Variants in MEAF6 observed in about 807,000 individuals in gnomAD.
MEAF6 encodes the protein chromatin modification-related protein MEAF6.
A neutral mutation model predicts 28.9 loss-of-function variants in MEAF6; 15 were observed. The ratio of observed to expected loss-of-function variants is 0.52; its 90% CI spans 0.35 to 0.80. MEAF6 has a LOEUF of 0.80. Among genes scored for constraint, MEAF6 ranks in the 30% least tolerant of loss-of-function variants. MEAF6 has a pLI of 0.01. For synonymous variants in MEAF6, 97 were observed against 88.7 expected (o/e 1.09, Z -0.53); for missense variants, 178 against 237.5 (o/e 0.75, Z 1.65).
At chr1:37,514,378 G>C (rs1490813594) in intron 1 of MEAF6, 1 of 131,452 alleles carries the variant, frequency 7.6e-6, no homozygotes, top group East Asian at 2.3e-4. Flanking sequence ...CCCTCTCCCC[G>C]GGCCCCGGCA....
Position 37,493,804 on chromosome 1 carries a change from A to C in MEAF6, c.*295T>G. On this transcript the variant is annotated 3_prime_UTR_variant, in exon 7 of 7. Coordinates refer to ENST00000296214, the MANE Select transcript of MEAF6 (RefSeq NM_001270875.3). ...AGCTGGTGCCAGCCAGTTTTGGGGG[A>C]GACATTCATTCTAAGAAGGGAGAAA... The C allele has an allele frequency of 6.4e-7, 1 of 1,550,796 alleles. No individual in the cohort carries two copies. The highest frequency in any genetic ancestry group is 2.4e-5 in the East Asian group (1 of 40,930).
chr1:37,513,888 G>A (rs961191626), intron 1 of MEAF6: 3 of 336,466 alleles, frequency 8.9e-6, no homozygotes, highest in Non-Finnish European at 1.6e-5. Flanking sequence ...TCGCTACCAG[G>A]AGAGGGAAAG....
chr1:37,502,084 A>G (rs1468885552), intron 4 of MEAF6, 88 bp from the exon 5 acceptor site: 2 of 1,092,218 alleles, frequency 1.8e-6, no homozygotes, highest in Non-Finnish European at 2.6e-6. Context: ...ATAGGTAGAA[A>G]AAAACCATTC....
intron 4 of MEAF6, among the ~76,000 whole-genome samples, chr1:37,504,682 G>A (rs919804741): frequency 6.9e-6 from 1 of 144,250 alleles, no homozygotes; most frequent in Admixed American, 7.2e-5. Flanking sequence ...TGAGACAGAA[G>A]AATCACTTGA....
At position 37,492,178 on chromosome 1, in the gene MEAF6, G is replaced by A. The variant is rs976368076; in HGVS notation, c.*1921C>T. ...CGAGTAGCTGGGACTACCGGCACCC[G>A]CCACCACGCTCAGCTAATTTTTTGC... is the stretch of plus-strand genomic sequence containing the variant. On this transcript the variant is annotated 3_prime_UTR_variant, in exon 7 of 7. Transcript: ENST00000296214. Among the ~76,000 whole-genome samples, 6 of 151,950 alleles carry A rather than the reference G, an allele frequency of 3.9e-5. No individual in the cohort carries two copies. The highest frequency in any genetic ancestry group is 3.3e-4 in the Admixed American group (5 of 15,230).
rs762422791 is a variant in MEAF6 at position 37,498,406 on chromosome 1, TTTTTTATTATTA to T, written c.534-2500_534-2489del. Among the ~76,000 whole-genome samples, 74 of 136,268 alleles carry T rather than the reference TTTTTTATTATTA, an allele frequency of 5.4e-4. 1 individual carries two copies. The East Asian group carries it at 0.01, about 19-fold the overall frequency. 89.4% of individuals were successfully genotyped at this position (136,268 alleles called of 152,430 possible). ...GAAACTTATAAGAGTAGCTATGTTA[TTTTTTATTATTA>T]TTATTATTATTATTATTATTATTAT... On this transcript the variant is annotated intron_variant, in intron 5 of 6. Transcript: ENST00000296214.
At chr1:37,514,631 G>A (rs749260746) in intron 1 of MEAF6, 26 bp downstream of exon 1, 40 of 1,487,498 alleles carry the variant, frequency 2.7e-5, no homozygotes, top group Non-Finnish European at 3.0e-5. Context: ...GCCCCATGCC[G>A]TGCAACCCCT....
chr1:37,504,126 G>A (rs371951617), intron 4 of MEAF6, among the ~76,000 whole-genome samples: 8 of 152,266 alleles, frequency 5.3e-5, no homozygotes, highest in African/African-American at 1.9e-4. Flanking sequence ...GTTCTCACAA[G>A]AACTGATGGT....
rs745780266 is a variant in MEAF6 at position 37,514,726 on chromosome 1, C to G, written c.21G>C (p.Ala7=). ...GGGTGTCCGGGATCTGCGGCGGCGC[C>G]GCCTTGTTGTGCATCGCCATGTTGG... is the stretch of plus-strand genomic sequence containing the variant. The part of the protein sequence containing the change: MAMHNK[A]APPQIPDTRR... Residue 7 remains alanine, a synonymous_variant, in exon 1 of 7, where the codon GCG becomes GCC. Coordinates refer to ENST00000296214, the MANE Select transcript of MEAF6 (RefSeq NM_001270875.3). The G allele has an allele frequency of 6.5e-6, 10 of 1,529,782 alleles. No individual in the cohort carries two copies. In the South Asian group the frequency reaches 1.2e-4, roughly 18 times the overall value. The allele number at this position is 1,529,782 out of a possible 1,614,324, so 94.8% of individuals were successfully genotyped here.
intron 5 of MEAF6, among the ~76,000 whole-genome samples, chr1:37,497,493 T>C (rs1024713782): frequency 1.3e-5 from 2 of 152,192 alleles, no homozygotes; most frequent in African/African-American, 4.8e-5. Context: ...AAGAACAGTA[T>C]TGCTCTGCCA....
intron 4 of MEAF6, among the ~76,000 whole-genome samples, chr1:37,508,575 G>A (rs926839354): frequency 6.6e-6 from 1 of 152,062 alleles, no homozygotes; most frequent in Non-Finnish European, 1.5e-5. Context: ...GTGAGCCACT[G>A]CACTGGGCCA....
In MEAF6 at chr1:37,493,879, C is replaced by A; in HGVS notation, c.*220G>T. ...TTACAACATTGTCTTCATCTTCCTG[C>A]AGTTCTGTTACTAAAAATGACATAA... On this transcript the variant is annotated 3_prime_UTR_variant, in exon 7 of 7. Coordinates refer to ENST00000296214, the MANE Select transcript of MEAF6 (RefSeq NM_001270875.3). The A allele has an allele frequency of 6.4e-7, 1 of 1,562,910 alleles. No individual in the cohort carries two copies. Among genetic ancestry groups the A allele is most frequent in the Non-Finnish European group, 8.7e-7 (1 of 1,155,792 alleles).
Position 37,509,488 on chromosome 1 carries a change from C to T in MEAF6, c.261G>A (p.Arg87=), listed in dbSNP as rs1444895879. 1 of 1,614,092 alleles carries T rather than the reference C, an allele frequency of 6.2e-7. No individual in the cohort carries two copies. The highest frequency in any genetic ancestry group is 8.5e-7 in the Non-Finnish European group (1 of 1,180,012). The change falls in exon 3 of 7, where the codon CGG becomes CGA. Residue 87 remains arginine (R), a synonymous_variant. Coordinates refer to ENST00000296214, the MANE Select transcript of MEAF6 (RefSeq NM_001270875.3). The part of the protein sequence containing the change: ...RRNRKFKEAE[R]LFSKSSVTSA... ...AGGTAACCGAGGATTTACTGAAGAG[C>T]CGCTCAGCTTCCTTAAACTTCCGGT...
rs1642619560 is a variant in MEAF6 at position 37,510,124 on chromosome 1, C to A, written c.207-582G>T. Among the ~76,000 whole-genome samples, 4 of 146,468 alleles carry A rather than the reference C, an allele frequency of 2.7e-5. No individual in the cohort carries two copies. The South Asian group carries it at 8.7e-4, about 32-fold the overall frequency. On this transcript the variant is annotated intron_variant, in intron 2 of 6. Coordinates refer to ENST00000296214, the MANE Select transcript of MEAF6 (RefSeq NM_001270875.3). ...ACGCAGTCTCGCCCTGTCACCCAGG[C>A]TGCAGTACAATGGGAAATCTCAGCT...
chr1:37,500,257 T>C (rs538503270), intron 5 of MEAF6, among the ~76,000 whole-genome samples: 1 of 151,434 alleles, frequency 6.6e-6, no homozygotes, highest in East Asian at 1.9e-4. Context: ...ATCGTGCCAC[T>C]GCACTCCAGC....
At position 37,503,372 on chromosome 1, in the gene MEAF6, T is replaced by C. The variant is rs574877910; in HGVS notation, c.341-1376A>G. On this transcript the variant is annotated intron_variant, in intron 4 of 6. Coordinates refer to ENST00000296214, the MANE Select transcript of MEAF6 (RefSeq NM_001270875.3). ...CATATATATTTTTAAGACTATAGAT[T>C]AGGCACAGTATCTCATGCCTGCAAT... Among the ~76,000 whole-genome samples, 579 of 152,320 alleles carry C rather than the reference T, an allele frequency of 3.8e-3. 5 individuals carry two copies. Among genetic ancestry groups the C allele is most frequent in the Non-Finnish European group, 6.4e-3 (433 of 68,024 alleles).
chr1:37,509,003 A>G (rs951973232), intron 4 of MEAF6, among the ~76,000 whole-genome samples: 3 of 152,210 alleles, frequency 2.0e-5, no homozygotes, highest in African/African-American at 4.8e-5. Flanking sequence ...AGGCCGAGGC[A>G]GGAGGACTGC....
chr1:37,495,851 C>T lies in MEAF6; in HGVS notation c.567+34G>A, dbSNP rs778415355. On this transcript the variant is annotated intron_variant, in intron 6 of 6. Coordinates refer to ENST00000296214, the MANE Select transcript of MEAF6 (RefSeq NM_001270875.3). ...ATTTTTCTAATCATCTACAAAATTG[C>T]CAGCCTCTCTGAAGTGGTCCGGCTG... 4.3e-6 allele frequency: 7 copies of T among 1,611,758 alleles called. No homozygotes were observed. In the Admixed American group the frequency reaches 8.3e-5, roughly 19 times the overall value.
At chr1:37,499,841 ACTC>A (rs1642240499) in intron 5 of MEAF6, among the ~76,000 whole-genome samples, 1 of 152,090 alleles carries the variant, frequency 6.6e-6, no homozygotes, top group Non-Finnish European at 1.5e-5. Flanking sequence ...CTCCTCTTTA[ACTC>A]CTTTTTATCA....
Sources: allele counts gnomAD v4.1 joint callset (sites outside exome capture counted in the v4.1 genomes callset), GRCh38; gene constraint gnomAD v4.1.1; transcripts MANE v1.5; gene names NCBI Gene and HGNC (gene_info 2026-07-23, HGNC 2026-07-21).